Variants in RIPOR1 observed in about 807,000 individuals in gnomAD.
RIPOR1 encodes the protein rho family-interacting cell polarization regulator 1.
In RIPOR1, 58 loss-of-function variants were observed where a neutral mutation model predicts 116.5. That is an observed-to-expected ratio of 0.50 (90% confidence interval 0.40 to 0.62). The LOEUF is 0.62. Among genes scored for constraint, RIPOR1 ranks in the 20% least tolerant of loss-of-function variants. The probability of loss-of-function intolerance (pLI) is 0.00; values close to 1 mark genes in which losing one functional copy is unlikely to be tolerated. For missense variants in RIPOR1, 1,372 were observed against 1,586.2 expected, an observed-to-expected ratio of 0.86 and a Z score of 2.29; for synonymous variants, 605 against 650.0, an observed-to-expected ratio of 0.93 and a Z score of 1.05.
chr16:67,538,638 G>T (rs1032123812), intron 2 of RIPOR1, 34 bp from the exon 3 acceptor site: 2 of 1,610,376 alleles, frequency 1.2e-6, no homozygotes, highest in Non-Finnish European at 8.5e-7. Context: ...GGGGACTCCT[G>T]CTCTCCTCTT....
chr16:67,520,643 A>C (rs867183565), intron 1 of RIPOR1, among the ~76,000 whole-genome samples: 1 of 151,950 alleles, frequency 6.6e-6, no homozygotes, highest in Non-Finnish European at 1.5e-5. Context: ...TCTACTAAAA[A>C]TACAAAAATT....
Position 67,541,852 on chromosome 16 carries a change from TCTC to T in RIPOR1, c.1081-11_1081-9del. On this transcript the variant is annotated splice_polypyrimidine_tract_variant and intron_variant, in intron 12 of 21. Coordinates refer to ENST00000042381, the MANE Select transcript of RIPOR1 (RefSeq NM_024519.4). This position sits in a 1 kb window ranked among gnomAD's most constrained non-coding sequence, Gnocchi z 4.6. ...CCCTGGGGGTGGTTCTGAAATGCCC[TCTC>T]CTCTTTCTCAGAACATGCTGCGACG... 1 of 1,610,878 alleles carries T rather than the reference TCTC, an allele frequency of 6.2e-7. No individual in the cohort carries two copies. Among genetic ancestry groups the T allele is most frequent in the South Asian group, 1.1e-5 (1 of 91,054 alleles).
chr16:67,522,191 ATTTTTTTTTTTTTTTT>A (rs34835336), intron 1 of RIPOR1, among the ~76,000 whole-genome samples: 1 of 71,328 alleles, frequency 1.4e-5, no homozygotes, highest in Non-Finnish European at 2.7e-5. Flanking sequence ...CCACGCCCAG[ATTTTTTTTTTTTTTTT>A]TTTTTTTTTT....
At position 67,544,367 on chromosome 16, in the gene RIPOR1, C is replaced by G; in HGVS notation, c.2669C>G (p.Thr890Arg). ...TCACCCAGTGCCCGCCCCCTCAGCA[C>G]GGGGTGTCCAGCTCTGGATGCTGCC... is the stretch of plus-strand genomic sequence containing the variant. The part of the protein sequence containing the change: ...IDSPSARPLS[T>R]GCPALDAALV... Residue 890 changes from threonine (T) to arginine (R), a missense_variant, in exon 15 of 22, where the codon ACG becomes AGG. Around this residue, in one of 3 missense-constraint regions of RIPOR1, gnomAD observed 1,005 missense variants for 1,144.7 expected, o/e 0.88. Transcript: ENST00000042381. The surrounding 1 kb of genome is among the most constrained non-coding windows in gnomAD (Gnocchi z 5.1). The G allele has an allele frequency of 6.2e-7, 1 of 1,613,316 alleles. No homozygotes were observed. The highest frequency in any genetic ancestry group is 1.3e-5 in the African/African-American group (1 of 75,024).
rs1291445465 is a variant in RIPOR1 at position 67,537,063 on chromosome 16, C to T, written c.-23-1361C>T. 6.6e-6 allele frequency among the ~76,000 whole-genome samples: 1 copy of T among 152,108 alleles called. No individual in the cohort carries two copies. Among genetic ancestry groups the T allele is most frequent in the Non-Finnish European group, 1.5e-5 (1 of 68,014 alleles). On this transcript the variant is annotated intron_variant, in intron 1 of 21. Coordinates refer to ENST00000042381, the MANE Select transcript of RIPOR1 (RefSeq NM_024519.4). This position sits in a 1 kb window ranked among gnomAD's most constrained non-coding sequence, Gnocchi z 4.6. ...CTGAGTAGCTGGGATTACAGGCGCG[C>T]GTCACCATGTCCGGCTAATTTTTGT...
chr16:67,536,786 G>T (rs1446482632), intron 1 of RIPOR1, among the ~76,000 whole-genome samples: 1 of 152,092 alleles, frequency 6.6e-6, no homozygotes, highest in African/African-American at 2.4e-5. Flanking sequence ...CTGGTGATCA[G>T]TGCCCTAACT....
In RIPOR1 at chr16:67,543,830, C is replaced by T. The variant is rs1351011260; in HGVS notation, c.2600+361C>T. On this transcript the variant is annotated intron_variant, in intron 14 of 21. Coordinates refer to ENST00000042381, the MANE Select transcript of RIPOR1 (RefSeq NM_024519.4). The surrounding 1 kb of genome is among the most constrained non-coding windows in gnomAD (Gnocchi z 4.7). Reference sequence around the variant, plus strand: ...TTAAGGAGCTCTCTCAGTGTCTCGCCGTGCACCCTGGGACCCCAGCACTGC... The same window carrying T: ...TTAAGGAGCTCTCTCAGTGTCTCGCTGTGCACCCTGGGACCCCAGCACTGC... The T allele has an allele frequency of 1.6e-5, 6 of 386,598 alleles. No individual in the cohort carries two copies. The highest frequency in any genetic ancestry group is 4.1e-5 in the African/African-American group (2 of 48,804). The allele number at this position is 386,598 out of a possible 1,614,324, so 23.9% of individuals were successfully genotyped here.
chr16:67,546,519 G>A lies in RIPOR1; in HGVS notation c.*56G>A. Reference sequence around the variant, plus strand: ...TTCCCCCCACTTTCAGGGCTCACCAGGCACTGGCAGGGAGGGTAAGGGCTG... The same window carrying A: ...TTCCCCCCACTTTCAGGGCTCACCAAGCACTGGCAGGGAGGGTAAGGGCTG... On this transcript the variant is annotated 3_prime_UTR_variant, in exon 22 of 22. Transcript: ENST00000042381. The A allele has an allele frequency of 6.9e-7, 1 of 1,448,008 alleles. No individual in the cohort carries two copies. Among genetic ancestry groups the A allele is most frequent in the Non-Finnish European group, 9.7e-7 (1 of 1,033,568 alleles). 89.7% of individuals were successfully genotyped at this position (1,448,008 alleles called of 1,614,324 possible).
In RIPOR1 at chr16:67,538,782, A is replaced by C; in HGVS notation, c.215A>C (p.Glu72Ala). The stretch of plus-strand genomic sequence containing the variant: ...CCAGCCGCCAAGGTGCCGCAGCCCG[A>C]GCGGCTGGACCTGGTGTACACGGCG... ...AHPAAKVPQPERLDLVYTALK... is the reference protein window; with the variant it reads ...AHPAAKVPQPARLDLVYTALK... Residue 72 changes from glutamate (E) to alanine (A), a missense_variant, in exon 3 of 22, where the codon GAG becomes GCG. Around this residue, in one of 3 missense-constraint regions of RIPOR1, gnomAD observed 165 missense variants for 145.5 expected, o/e 1.13. Coordinates refer to ENST00000042381, the MANE Select transcript of RIPOR1 (RefSeq NM_024519.4). 6.2e-7 allele frequency: 1 copy of C among 1,613,448 alleles called. No individual in the cohort carries two copies. The highest frequency in any genetic ancestry group is 8.5e-7 in the Non-Finnish European group (1 of 1,179,946).
At chr16:67,521,074 G>C (rs945701340) in intron 1 of RIPOR1, among the ~76,000 whole-genome samples, 1 of 152,130 alleles carries the variant, frequency 6.6e-6, no homozygotes, top group African/African-American at 2.4e-5. Context: ...TAGTGGTGGG[G>C]TTCCCAGGAT....
At chr16:67,534,846 T>C (rs937625155) in intron 1 of RIPOR1, among the ~76,000 whole-genome samples, 20 of 139,452 alleles carry the variant, frequency 1.4e-4, no homozygotes, top group African/African-American at 2.9e-4. Context: ...TTTTTTTTTT[T>C]TTTTTTTTTT....
At position 67,537,933 on chromosome 16, in the gene RIPOR1, T is replaced by A. The variant is rs2050843976; in HGVS notation, c.-23-491T>A. ...GCGACAAACCCGCACCGGCTGGGCC[T>A]GTCGGGCAGCTCCGCAGGGCTCCGA... On this transcript the variant is annotated intron_variant, in intron 1 of 21. Coordinates refer to ENST00000042381, the MANE Select transcript of RIPOR1 (RefSeq NM_024519.4). This position sits in a 1 kb window ranked among gnomAD's most constrained non-coding sequence, Gnocchi z 4.6. The A allele has an allele frequency of 7.9e-6, 2 of 252,692 alleles. No individual in the cohort carries two copies. 15.7% of individuals were successfully genotyped at this position (252,692 alleles called of 1,614,324 possible).
rs772990866 is a variant in RIPOR1 at position 67,540,064 on chromosome 16, G to A, written c.426G>A (p.Leu142=). The change falls in exon 7 of 22, where the codon CTG becomes CTA. Residue 142 remains leucine (L), a synonymous_variant. Coordinates refer to ENST00000042381, the MANE Select transcript of RIPOR1 (RefSeq NM_024519.4). This position sits in a 1 kb window ranked among gnomAD's most constrained non-coding sequence, Gnocchi z 4.7. The part of the protein sequence containing the change: ...LEFHASKIDE[L]YEAYCVQRRL... The stretch of plus-strand genomic sequence containing the variant: ...ACTCACCTTCCCAGATCGATGAGCT[G>A]TATGAGGCATACTGTGTCCAGCGGC... 7 of 1,614,074 alleles carry A rather than the reference G, an allele frequency of 4.3e-6. No homozygotes were observed. In the African/African-American group the frequency reaches 5.3e-5, roughly 12 times the overall value.
intron 1 of RIPOR1, 58 bp from the exon 2 acceptor site, chr16:67,538,366 C>T: frequency 6.6e-7 from 1 of 1,514,624 alleles, no homozygotes; most frequent in South Asian, 1.2e-5. Flanking sequence ...GATCCCGCTG[C>T]GTGGGAGAGG....
Position 67,541,231 on chromosome 16 carries a change from A to G in RIPOR1, c.802-199A>G, listed in dbSNP as rs925359698. Reference sequence around the variant, plus strand: ...CAGGTGCACCACCATGCCTGGCTAAAAATTTTTTTTTTTTTTTTTTTTGAG... The same window carrying G: ...CAGGTGCACCACCATGCCTGGCTAAGAATTTTTTTTTTTTTTTTTTTTGAG... On this transcript the variant is annotated intron_variant, in intron 10 of 21. Coordinates refer to ENST00000042381, the MANE Select transcript of RIPOR1 (RefSeq NM_024519.4). The surrounding 1 kb of genome is among the most constrained non-coding windows in gnomAD (Gnocchi z 4.6). 3.3e-6 allele frequency: 2 copies of G among 605,560 alleles called. No homozygotes were observed. Among genetic ancestry groups the G allele is most frequent in the Non-Finnish European group, 5.7e-6 (2 of 353,356 alleles). The allele number at this position is 605,560 out of a possible 1,614,324, so 37.5% of individuals were successfully genotyped here. A position where few individuals can be genotyped will look rare whatever the true frequency, so the allele number is the denominator to read the frequency against.
chr16:67,534,842 T>C (rs1020650465), intron 1 of RIPOR1, among the ~76,000 whole-genome samples: 174 of 132,280 alleles, frequency 1.3e-3, no homozygotes, highest in Non-Finnish European at 2.0e-3. Context: ...TTTCTTTTTT[T>C]TTTTTTTTTT....
At chr16:67,527,737 G>A (rs76989790), upstream of RIPOR1, among the ~76,000 whole-genome samples, 3 of 151,844 alleles carry the variant, frequency 2.0e-5, no homozygotes, top group Non-Finnish European at 4.4e-5. Context: ...TTAGCCGGGC[G>A]TGGTGTGGGC....
chr16:67,533,352 C>T (rs2050710749), intron 1 of RIPOR1, among the ~76,000 whole-genome samples: 1 of 152,026 alleles, frequency 6.6e-6, no homozygotes, highest in South Asian at 2.1e-4. Flanking sequence ...AGGAAGCTGG[C>T]AACATTTAGA....
At position 67,538,561 on chromosome 16, in the gene RIPOR1, G is replaced by C. The variant is rs774539490; in HGVS notation, c.104+11G>C. On this transcript the variant is annotated intron_variant, in intron 2 of 21. Coordinates refer to ENST00000042381, the MANE Select transcript of RIPOR1 (RefSeq NM_024519.4). The stretch of plus-strand genomic sequence containing the variant: ...CGAGCGGGGGCCCAGGTACGCGGCC[G>C]CGCAGGGTTGGTGGGGTCAAAGGGC... The C allele has an allele frequency of 6.2e-7, 1 of 1,611,754 alleles. No individual in the cohort carries two copies.
Sources: allele counts gnomAD v4.1 joint callset (sites outside exome capture counted in the v4.1 genomes callset), GRCh38; gene constraint gnomAD v4.1.1; regional missense constraint gnomAD v4.1.1; non-coding constraint Gnocchi (gnomAD v3.1); transcripts MANE v1.5; gene names NCBI Gene and HGNC (gene_info 2026-07-23, HGNC 2026-07-21).